SAAL1: variants seen among roughly 807,000 people sequenced by gnomAD.
SAAL1 encodes the protein protein SAAL1.
Under a neutral mutation model 59.8 loss-of-function variants are expected in SAAL1, and 42 were observed. That is an observed-to-expected ratio of 0.70 (90% CI 0.55 to 0.91). The LOEUF is 0.91. Among genes scored for constraint, SAAL1 ranks in the 40% least tolerant of loss-of-function variants. SAAL1 has a pLI of 0.00. For synonymous variants in SAAL1, 191 were observed against 194.3 expected, an observed-to-expected ratio of 0.98 and a Z score of 0.14; for missense variants, 542 against 561.1, an observed-to-expected ratio of 0.97 and a Z score of 0.34.
At chr11:18,100,849 AC>A (rs1848626609) in intron 2 of SAAL1, among the ~76,000 whole-genome samples, 1 of 152,232 alleles carries the variant, frequency 6.6e-6, no homozygotes, top group Non-Finnish European at 1.5e-5. Flanking sequence ...TGCACCATAT[AC>A]TATACAAAAA....
chr11:18,087,617 A>G (rs1050591091), intron 7 of SAAL1, among the ~76,000 whole-genome samples: 9 of 152,224 alleles, frequency 5.9e-5, no homozygotes, highest in African/African-American at 2.2e-4. Context: ...CATCAACAAT[A>G]ATGATGTTCT....
intron 3 of SAAL1, among the ~76,000 whole-genome samples, chr11:18,092,900 A>G (rs575279678): frequency 2.0e-5 from 3 of 152,186 alleles, no homozygotes; most frequent in Non-Finnish European, 1.5e-5. Flanking sequence ...CGAAATGCAT[A>G]ATGTATTAGT....
intron 1 of SAAL1, among the ~76,000 whole-genome samples, chr11:18,105,208 C>T (rs1213758107): frequency 1.3e-5 from 2 of 152,162 alleles, no homozygotes; most frequent in African/African-American, 4.8e-5. Flanking sequence ...CTTACTCCGT[C>T]CCCCAGCCTG....
intron 6 of SAAL1, among the ~76,000 whole-genome samples, chr11:18,089,812 GC>G (rs1848502627): frequency 6.6e-6 from 1 of 152,186 alleles, no homozygotes; most frequent in Non-Finnish European, 1.5e-5. Context: ...ACTTTTGGGA[GC>G]CCAAGGCTGG....
At chr11:18,100,878 A>T (rs1019795469) in intron 2 of SAAL1, among the ~76,000 whole-genome samples, 1 of 152,214 alleles carries the variant, frequency 6.6e-6, no homozygotes, top group African/African-American at 2.4e-5. Flanking sequence ...AAAATGGATC[A>T]CAGACTTATA....
chr11:18,086,883 T>C lies in SAAL1; in HGVS notation c.1025A>G (p.Tyr342Cys). 6.3e-7 allele frequency: 1 copy of C among 1,590,918 alleles called. No homozygotes were observed. The highest frequency in any genetic ancestry group is 1.3e-5 in the African/African-American group (1 of 74,332). Residue 342 changes from tyrosine (Y) to cysteine (C), a missense_variant, in exon 9 of 12, where the codon TAT becomes TGT. Transcript: ENST00000524803. ...GTACTTGCCTTTTTCTATCTTTAGA[T>C]ACTCTTGCTCAGTCTGTGAGGCATA... ...AIYASQTEQE[Y>C]LKIEKVDLPL...
intron 9 of SAAL1, among the ~76,000 whole-genome samples, chr11:18,086,287 A>T (rs142028965): frequency 6.6e-6 from 1 of 152,276 alleles, no homozygotes; most frequent in African/African-American, 2.4e-5. Context: ...CTGTAGTCCC[A>T]GCTACTCAGG....
intron 4 of SAAL1, 135 bp from the exon 5 acceptor site, chr11:18,090,628 T>C (rs1486364060): frequency 5.2e-6 from 5 of 952,742 alleles, no homozygotes; most frequent in African/African-American, 3.4e-5. Flanking sequence ...TACAAATCTA[T>C]AGTTAATAAA....
chr11:18,093,155 G>T (rs1419978734), intron 3 of SAAL1, among the ~76,000 whole-genome samples: 2 of 152,040 alleles, frequency 1.3e-5, no homozygotes, highest in African/African-American at 4.8e-5. Flanking sequence ...TCGACCATCG[G>T]GATATCTCAC....
chr11:18,097,102 C>T (rs921663795), intron 2 of SAAL1, among the ~76,000 whole-genome samples: 10 of 151,934 alleles, frequency 6.6e-5, no homozygotes, highest in South Asian at 2.1e-4. Flanking sequence ...CCGGGCATGG[C>T]GGCATGCACC....
chr11:18,102,065 T>C (rs1848639796), intron 2 of SAAL1, among the ~76,000 whole-genome samples: 1 of 152,162 alleles, frequency 6.6e-6, no homozygotes, highest in African/African-American at 2.4e-5. Flanking sequence ...GGGTATGCGC[T>C]GTATCCTGAT....
At chr11:18,094,564 T>C (rs1377835168) in intron 3 of SAAL1, among the ~76,000 whole-genome samples, 1 of 151,978 alleles carries the variant, frequency 6.6e-6, no homozygotes, top group Non-Finnish European at 1.5e-5. Flanking sequence ...AACTTAAAGG[T>C]GTAAAGAACA....
At chr11:18,081,690 T>C in intron 10 of SAAL1, 187 bp from the exon 11 acceptor site, 1 of 577,800 alleles carries the variant, frequency 1.7e-6, no homozygotes, top group East Asian at 2.8e-5. Flanking sequence ...GTCTTTACTT[T>C]AGTGAAGGGC....
In SAAL1 at chr11:18,081,488, C is replaced by G. The variant is rs1848409187; in HGVS notation, c.1255G>C (p.Gly419Arg). The G allele has an allele frequency of 1.9e-6, 3 of 1,613,974 alleles. No individual in the cohort carries two copies. In the South Asian group the frequency reaches 3.3e-5, roughly 18 times the overall value. The change falls in exon 11 of 12, where the codon GGA becomes CGA. Residue 419 changes from glycine to arginine, a missense_variant. Physicochemically the swap from Gly to Arg is moderately radical, Grantham distance 125 (BLOSUM62 -2). Coordinates refer to ENST00000524803, the MANE Select transcript of SAAL1 (RefSeq NM_138421.3). ...TTGCTCAACTGGCCTTCCTTTACTC[C>G]CTGAGCCACCGTCTCCTAAAACAAC... ...QALTKETVAQ[G>R]VKEGQLSKQK... is the part of the protein sequence containing the mutation.
chr11:18,093,154 G>A (rs534224973), intron 3 of SAAL1, among the ~76,000 whole-genome samples: 140 of 152,146 alleles, frequency 9.2e-4, no homozygotes, highest in African/African-American at 2.4e-3. Flanking sequence ...ATCGACCATC[G>A]GGATATCTCA....
chr11:18,086,983 A>G lies in SAAL1; in HGVS notation c.925T>C (p.Ser309Pro), dbSNP rs778132530. The change falls in exon 9 of 12, where the codon TCT becomes CCT. Residue 309 changes from serine (S) to proline (P), a missense_variant. Ser to Pro is a moderately conservative substitution (Grantham distance 74). Transcript: ENST00000524803. ...TGAAGAATGATGGGTGGATCATCAG[A>G]CTGGCAGAATTCATGGCAGACCAGG... ...FDLVCHEFCQSDDPPIILQEQ... is the reference protein window; with the variant it reads ...FDLVCHEFCQPDDPPIILQEQ... 6.2e-7 allele frequency: 1 copy of G among 1,613,944 alleles called. No homozygotes were observed. The highest frequency in any genetic ancestry group is 8.5e-7 in the Non-Finnish European group (1 of 1,179,774).
At chr11:18,105,367 C>G (rs1429982845) in intron 1 of SAAL1, among the ~76,000 whole-genome samples, 2 of 147,418 alleles carry the variant, frequency 1.4e-5, no homozygotes, top group Non-Finnish European at 3.0e-5. Flanking sequence ...TTGTAGAAAC[C>G]AGGTCTATGT....
intron 9 of SAAL1, 76 bp downstream of exon 9, chr11:18,086,790 G>A: frequency 1.1e-6 from 1 of 901,590 alleles, no homozygotes; most frequent in Non-Finnish European, 1.6e-6. Context: ...TTTATAATTA[G>A]GGAAATGAAA....
At position 18,081,468 on chromosome 11, in the gene SAAL1, C is replaced by G. The variant is rs1848408958; in HGVS notation, c.1275G>C (p.Leu425Phe). The G allele has an allele frequency of 6.2e-7, 1 of 1,614,020 alleles. No homozygotes were observed. ...ATGCAGAGGAACACTTCTGTTTGCT[C>G]AACTGGCCTTCCTTTACTCCCTGAG... ...TVAQGVKEGQ[L>F]SKQKCSSAFQ... The change falls in exon 11 of 12, where the codon TTG becomes TTC. Residue 425 changes from leucine to phenylalanine, a missense_variant. Physicochemically the swap from Leu to Phe is conservative, Grantham distance 22 (BLOSUM62 0). Transcript: ENST00000524803.
Sources: allele counts gnomAD v4.1 joint callset (sites outside exome capture counted in the v4.1 genomes callset), GRCh38; gene constraint gnomAD v4.1.1; transcripts MANE v1.5; gene names NCBI Gene and HGNC (gene_info 2026-07-23, HGNC 2026-07-21).